SLC36A4: variants seen among roughly 807,000 people sequenced by gnomAD.
SLC36A4 encodes the protein neutral amino acid uniporter 4.
A neutral mutation model predicts 50.5 loss-of-function variants in SLC36A4; 49 were observed. That is an observed-to-expected ratio of 0.97 (90% CI 0.77 to 1.23). SLC36A4 has a LOEUF of 1.23. SLC36A4 is among the 50% of genes most tolerant of loss of function. The pLI, the probability that SLC36A4 is intolerant of heterozygous loss-of-function variation, is 0.00. For missense variants in SLC36A4, 611 were observed against 608.4 expected (o/e 1.00, Z -0.05); for synonymous variants, 207 against 206.5 (o/e 1.00, Z -0.02).
intron 7 of SLC36A4, chr11:93,166,686 C>T (rs964479081): frequency 1.3e-5 from 2 of 152,278 alleles, no homozygotes; most frequent in African/African-American, 4.8e-5. Flanking sequence ...CCAGATACCC[C>T]AAGTCTGGTC....
At chr11:93,179,911 A>G (rs1470312662) in intron 6 of SLC36A4, 2 of 198,580 alleles carry the variant, frequency 1.0e-5, no homozygotes, top group Non-Finnish European at 1.8e-5. Flanking sequence ...CTGGCCCTCT[A>G]CAGAAACAGT....
chr11:93,184,877 T>C (rs556836181), intron 2 of SLC36A4, among the ~76,000 whole-genome samples: 1 of 152,330 alleles, frequency 6.6e-6, no homozygotes, highest in South Asian at 2.1e-4. Flanking sequence ...TAAGATATTT[T>C]GCTGTTATGA....
intron 6 of SLC36A4, among the ~76,000 whole-genome samples, chr11:93,179,861 CAG>C (rs1277813682): frequency 1.3e-5 from 2 of 152,172 alleles, no homozygotes; most frequent in Non-Finnish European, 2.9e-5. Context: ...GTAGTTACAA[CAG>C]AGACCATATG....
At chr11:93,174,843 G>T (rs1229002098) in intron 6 of SLC36A4, among the ~76,000 whole-genome samples, 4 of 92,990 alleles carry the variant, frequency 4.3e-5, no homozygotes, top group Non-Finnish European at 9.9e-5. Context: ...TGCTGGATTT[G>T]GTTTGCCAGT....
intron 6 of SLC36A4, among the ~76,000 whole-genome samples, chr11:93,169,328 T>C (rs1012549127): frequency 1.3e-5 from 2 of 152,020 alleles, no homozygotes; most frequent in Non-Finnish European, 2.9e-5. Context: ...AGCCAGTAAG[T>C]GGTGGTTCTA....
rs190091699 is a variant in SLC36A4, at chr11:93,159,694, T to G, written c.1037+3012A>C. ...AAAACCTTTAAAATACATTCTTTAC[T>G]TCAAAAGCTAAATGCAATACATGTA... On this transcript the variant is annotated intron_variant, in intron 9 of 10. Coordinates refer to ENST00000326402, the MANE Select transcript of SLC36A4 (RefSeq NM_152313.4). 2.1e-3 allele frequency: 1,002 copies of G among 478,786 alleles called. 9 individuals carry two copies. Among genetic ancestry groups the G allele is most frequent in the African/African-American group, 0.02 (945 of 47,426 alleles). 29.7% of individuals were successfully genotyped at this position (478,786 alleles called of 1,614,324 possible).
At chr11:93,157,054 T>C (rs75121281) in intron 9 of SLC36A4, among the ~76,000 whole-genome samples, 19,548 of 152,204 alleles carry the variant, frequency 0.13, 1,442 homozygotes, top group Non-Finnish European at 0.16. Flanking sequence ...GTTCAGTCTA[T>C]CCCATATGGC....
intron 6 of SLC36A4, among the ~76,000 whole-genome samples, chr11:93,170,522 C>T (rs1861084051): frequency 6.6e-6 from 1 of 152,150 alleles, no homozygotes. Flanking sequence ...AATAAGGAAA[C>T]TGATGCTAGA....
chr11:93,162,673 T>C (rs375290496), intron 9 of SLC36A4, 33 bp downstream of exon 9: 3 of 1,507,170 alleles, frequency 2.0e-6, no homozygotes, highest in Non-Finnish European at 1.8e-6. Flanking sequence ...ATAAAATATA[T>C]AAACTAATAT....
In SLC36A4 at chr11:93,148,300, A is replaced by C; in HGVS notation, c.*237T>G. On this transcript the variant is annotated 3_prime_UTR_variant, in exon 11 of 11. Coordinates refer to ENST00000326402, the MANE Select transcript of SLC36A4 (RefSeq NM_152313.4). ...TTATTCTTTAATTTTTTTACATTTTAATTTTTTCAATTTTCAGAACTTAAT... is the reference window on the plus strand; with the variant it reads ...TTATTCTTTAATTTTTTTACATTTTCATTTTTTCAATTTTCAGAACTTAAT... The C allele has an allele frequency of 3.1e-6, 1 of 326,316 alleles. No homozygotes were observed. The allele number at this position is 326,316 out of a possible 1,614,324, so 20.2% of individuals were successfully genotyped here.
intron 8 of SLC36A4, 59 bp downstream of exon 8, chr11:93,165,859 T>C: frequency 3.7e-6 from 4 of 1,082,500 alleles, no homozygotes; most frequent in South Asian, 1.6e-5. Flanking sequence ...AGGTAGGCTA[T>C]ATAAATCATT....
intron 1 of SLC36A4, among the ~76,000 whole-genome samples, chr11:93,189,786 G>A (rs1047234863): frequency 1.3e-5 from 2 of 152,096 alleles, no homozygotes; most frequent in African/African-American, 4.8e-5. Context: ...AGGAAAGTAC[G>A]GAAAATGGTA....
chr11:93,196,144 C>CT, intron 1 of SLC36A4, among the ~76,000 whole-genome samples: 1 of 152,204 alleles, frequency 6.6e-6, no homozygotes, highest in African/African-American at 2.4e-5. Context: ...TAATTTGAAA[C>CT]TTTTTTTCAG....
intron 3 of SLC36A4, among the ~76,000 whole-genome samples, chr11:93,183,408 C>T (rs1019721963): frequency 1.3e-4 from 20 of 152,074 alleles, no homozygotes; most frequent in Non-Finnish European, 4.4e-5. Context: ...AAAATTAAAG[C>T]AATGCTAGTA....
intron 1 of SLC36A4, among the ~76,000 whole-genome samples, chr11:93,194,303 T>C (rs1219673579): frequency 6.6e-6 from 1 of 152,118 alleles, no homozygotes; most frequent in Non-Finnish European, 1.5e-5. Flanking sequence ...ACTTGTATTT[T>C]GGCAATAGAA....
At chr11:93,175,074 T>A (rs1315478615) in intron 6 of SLC36A4, among the ~76,000 whole-genome samples, 1 of 151,908 alleles carries the variant, frequency 6.6e-6, no homozygotes, top group African/African-American at 2.4e-5. Flanking sequence ...ATCCATCTGG[T>A]CCTGGACTCT....
chr11:93,149,133 T>C (rs1859962074), intron 10 of SLC36A4, among the ~76,000 whole-genome samples: 1 of 152,078 alleles, frequency 6.6e-6, no homozygotes, highest in African/African-American at 2.4e-5. Flanking sequence ...GAAGTTTTGA[T>C]AGTTTATTTC....
intron 9 of SLC36A4, chr11:93,160,677 C>G (rs930390937): frequency 1.0e-6 from 1 of 985,282 alleles, no homozygotes; most frequent in African/African-American, 1.7e-5. Context: ...TGTGTGCACA[C>G]TCCCACTTTG....
chr11:93,148,458 TA>T lies in SLC36A4; in HGVS notation c.*78del. The T allele has an allele frequency of 2.5e-6, 3 of 1,187,744 alleles. No individual in the cohort carries two copies. The South Asian group carries it at 4.0e-5, about 16-fold the overall frequency. The allele number at this position is 1,187,744 out of a possible 1,614,324, so 73.6% of individuals were successfully genotyped here. ...CAGAGTTTGTTACCATTTTTATGTA[TA>T]TAGCAATGTATTTTACTAGTTATCT... On this transcript the variant is annotated 3_prime_UTR_variant, in exon 11 of 11. Coordinates refer to ENST00000326402, the MANE Select transcript of SLC36A4 (RefSeq NM_152313.4).
Sources: allele counts gnomAD v4.1 joint callset (sites outside exome capture counted in the v4.1 genomes callset), GRCh38; gene constraint gnomAD v4.1.1; transcripts MANE v1.5; gene names NCBI Gene and HGNC (gene_info 2026-07-23, HGNC 2026-07-21).